The following NOP16 variants were observed in gnomAD, a reference collection of about 807,000 sequenced individuals.
The protein encoded by NOP16 is NOP16 nucleolar protein, also known as nucleolar protein 16.
Under a neutral mutation model 22.7 loss-of-function variants are expected in NOP16, and 14 were observed. The observed-to-expected ratio is 0.62, with a 90% CI of 0.41 to 0.97. The LOEUF (loss-of-function observed/expected upper bound fraction) is 0.97. Ranked by LOEUF, NOP16 falls within the 50% of genes least tolerant of loss-of-function variation. The pLI, the probability that NOP16 is intolerant of heterozygous loss-of-function variation, is 0.00. For missense variants in NOP16, 198 were observed against 235.9 expected, an observed-to-expected ratio of 0.84 and a Z score of 1.05; for synonymous variants, 80 against 83.6, an observed-to-expected ratio of 0.96 and a Z score of 0.23.
At position 176,384,574 on chromosome 5, in the gene NOP16, C is replaced by T. The variant is rs982060437; in HGVS notation, c.394-200G>A. 113 of 593,286 alleles carry T rather than the reference C, an allele frequency of 1.9e-4. 1 individual carries two copies. Among genetic ancestry groups the T allele is most frequent in the Admixed American group, 9.7e-5 (3 of 31,042 alleles). The allele number at this position is 593,286 out of a possible 1,614,324, so 36.8% of individuals were successfully genotyped here. On this transcript the variant is annotated intron_variant, in intron 4 of 4. Transcript: ENST00000614830. The stretch of plus-strand genomic sequence containing the variant: ...GGCCGAGGTGGGAGGATCTCTTGAG[C>T]CCAGGAGTTCCAGGCCACCCTGGGC...
intron 4 of NOP16, chr5:176,384,746 G>A: frequency 2.8e-6 from 1 of 354,570 alleles, no homozygotes; most frequent in South Asian, 5.2e-5. Context: ...CTCCACCCTG[G>A]GTGACAGAGC....
chr5:176,388,162 G>T, intron 2 of NOP16, 73 bp downstream of exon 2: 2 of 1,164,174 alleles, frequency 1.7e-6, no homozygotes, highest in Non-Finnish European at 2.5e-6. Context: ...GCAGTACCAC[G>T]TTCTGACACC....
In NOP16 at chr5:176,388,333, G is replaced by C. The variant is rs35906642; in HGVS notation, c.118C>G (p.Arg40Gly). 3.1e-6 allele frequency: 5 copies of C among 1,614,138 alleles called. No individual in the cohort carries two copies. Among genetic ancestry groups the C allele is most frequent in the Non-Finnish European group, 2.5e-6 (3 of 1,179,992 alleles). ...AAPRIECSHI[R>G]HAWDHAKSVR... ...GATTTAGCGTGGTCCCAGGCATGTC[G>C]GATGTGGGAGCTACCGGCAAAGAGA... Residue 40 changes from arginine to glycine, a missense_variant, in exon 2 of 5, where the codon CGA becomes GGA. By Grantham distance (125) the Arg-to-Gly change is moderately radical. Coordinates refer to ENST00000614830, the MANE Select transcript of NOP16 (RefSeq NM_016391.8).
rs1481798820 is a variant in NOP16, at chr5:176,383,977, A to G, written c.*254T>C. On this transcript the variant is annotated 3_prime_UTR_variant, in exon 5 of 5. Transcript: ENST00000614830. ...ATATTTGCTTTATTATGTACACACT[A>G]TATTTACATCACCCACCCTGAAAAC... The G allele has an allele frequency of 6.5e-7, 1 of 1,531,418 alleles. No homozygotes were observed. The highest frequency in any genetic ancestry group is 8.7e-7 in the Non-Finnish European group (1 of 1,145,250). 94.9% of individuals were successfully genotyped at this position (1,531,418 alleles called of 1,614,324 possible).
chr5:176,388,214 G>A (rs17832192), intron 2 of NOP16, 21 bp downstream of exon 2: 28,196 of 1,553,918 alleles, frequency 0.018, 368 homozygotes, highest in African/African-American at 0.046. Flanking sequence ...GACAAGGACC[G>A]AGACCCTGCC....
chr5:176,387,225 A>G (rs1264674333), intron 2 of NOP16, among the ~76,000 whole-genome samples: 1 of 152,056 alleles, frequency 6.6e-6, no homozygotes, highest in East Asian at 1.9e-4. Context: ...GATTACAATC[A>G]TGCGCCACCA....
At chr5:176,386,569 T>G in intron 3 of NOP16, 2 of 514,084 alleles carry the variant, frequency 3.9e-6, no homozygotes, top group East Asian at 3.8e-5. Flanking sequence ...TGCCAGAGAT[T>G]TACTGGTTTC....
rs575715231 is a variant in NOP16, at chr5:176,388,573, C to T, written c.-34G>A. ...CCACCGCACCAGCAGCTCAAACACG[C>T]TGCCTCTGTCTCTCAGACCTCGTGT... is the stretch of plus-strand genomic sequence containing the variant. On this transcript the variant is annotated 5_prime_UTR_variant, in exon 1 of 5. Transcript: ENST00000614830. The T allele has an allele frequency of 3.2e-6, 5 of 1,567,362 alleles. No individual in the cohort carries two copies. The highest frequency in any genetic ancestry group is 4.4e-6 in the Non-Finnish European group (5 of 1,141,646).
intron 3 of NOP16, 25 bp downstream of exon 3, chr5:176,386,815 A>G (rs371095698): frequency 5.6e-6 from 9 of 1,605,360 alleles, no homozygotes; most frequent in Non-Finnish European, 7.7e-6. Context: ...ACAGTGACCT[A>G]AAGGAATATA....
rs776047357 is a variant in NOP16, at chr5:176,385,211, A to C, written c.393+10T>G. 4 of 1,547,872 alleles carry C rather than the reference A, an allele frequency of 2.6e-6. No homozygotes were observed. The African/African-American group carries it at 4.1e-5, about 16-fold the overall frequency. On this transcript the variant is annotated intron_variant, in intron 4 of 4. Transcript: ENST00000614830. ...CTTCCCAGCCAGCCCACGGGGCCTG[A>C]GCCGCTCACCTTATAGTCCTCCCCG...
chr5:176,385,196 A>C, intron 4 of NOP16, 25 bp downstream of exon 4: 1 of 1,403,406 alleles, frequency 7.1e-7, no homozygotes, highest in Non-Finnish European at 1.0e-6. Flanking sequence ...CTTCCCAGCC[A>C]GCCCACGGGG....
intron 3 of NOP16, chr5:176,386,331 C>T (rs1755841286): frequency 5.4e-6 from 1 of 184,882 alleles, no homozygotes; most frequent in African/African-American, 2.4e-5. Context: ...CCATTCAAAT[C>T]CTTTATCTTT....
In NOP16 at chr5:176,384,282, C is replaced by T. The variant is rs1249053031; in HGVS notation, c.486G>A (p.Glu162=). Residue 162 remains glutamate (E), a synonymous_variant, in exon 5 of 5, where the codon GAG becomes GAA. Coordinates refer to ENST00000614830, the MANE Select transcript of NOP16 (RefSeq NM_016391.8). ...GCAAAGAATCGAGGAAGTCTTGCCA[C>T]TCTGCTGGGTAAAAGCGTTTATAGA... ...INVYKRFYPA[E]WQDFLDSLQK... 6.2e-7 allele frequency: 1 copy of T among 1,614,140 alleles called. No homozygotes were observed. Among genetic ancestry groups the T allele is most frequent in the Non-Finnish European group, 8.5e-7 (1 of 1,180,058 alleles).
intron 3 of NOP16, 126 bp downstream of exon 3, chr5:176,386,714 G>T: frequency 1.2e-6 from 1 of 835,596 alleles, no homozygotes; most frequent in African/African-American, 1.7e-5. Context: ...TGTGAACTTT[G>T]AACCAGCTCA....
intron 4 of NOP16, chr5:176,384,832 G>A (rs1347804434): frequency 9.3e-6 from 4 of 432,272 alleles, no homozygotes. Context: ...GCCAGCTGAG[G>A]AGCTCATGAC....
chr5:176,386,865 A>G lies in NOP16; in HGVS notation c.261T>C (p.Leu87=), dbSNP rs891644671. The part of the protein sequence containing the change: ...EVDIEERPKE[L]VRKPYVLNDL... ...CATTCAGCACATAGGGCTTCCGTAC[A>G]AGCTCTTTAGGCCTCTCCTCTATGT... Residue 87 remains leucine, a synonymous_variant, in exon 3 of 5, where the codon CTT becomes CTC. Coordinates refer to ENST00000614830, the MANE Select transcript of NOP16 (RefSeq NM_016391.8). 6.2e-7 allele frequency: 1 copy of G among 1,614,020 alleles called. No homozygotes were observed. The highest frequency in any genetic ancestry group is 1.3e-5 in the African/African-American group (1 of 74,904).
Position 176,384,102 on chromosome 5 carries a change from A to T in NOP16, c.*129T>A, listed in dbSNP as rs1379257516. The T allele has an allele frequency of 6.2e-7, 1 of 1,605,796 alleles. No homozygotes were observed. Among genetic ancestry groups the T allele is most frequent in the Non-Finnish European group, 8.5e-7 (1 of 1,179,286 alleles). On this transcript the variant is annotated 3_prime_UTR_variant, in exon 5 of 5. Transcript: ENST00000614830. The stretch of plus-strand genomic sequence containing the variant: ...GCGGGGAGTGTGCACGTGTGTGTGT[A>T]ACCTTCTGATTCCATGGGACCTGGC...
At chr5:176,388,378 C>G in intron 1 of NOP16, 35 bp from the exon 2 acceptor site, 1 of 1,613,106 alleles carries the variant, frequency 6.2e-7, no homozygotes. Context: ...GATCCGTCAT[C>G]TCGCGGACCG....
chr5:176,387,920 T>C (rs140054170), intron 2 of NOP16, among the ~76,000 whole-genome samples: 1 of 152,234 alleles, frequency 6.6e-6, no homozygotes, highest in African/African-American at 2.4e-5. Context: ...CTCCAACTCT[T>C]AGGGAGTACT....
Sources: gnomAD v4.1 joint callset for allele counts (sites outside exome capture counted in the v4.1 genomes callset) on GRCh38, gnomAD v4.1.1 for gene constraint, MANE v1.5 for transcripts, NCBI Gene and HGNC (gene_info 2026-07-23, HGNC 2026-07-21) for gene names.